NR3C2: variants seen among roughly 807,000 people sequenced by gnomAD.
NR3C2 encodes the protein mineralocorticoid receptor.
Under a neutral mutation model 86.4 loss-of-function variants are expected in NR3C2, and 15 were observed. The observed-to-expected ratio is 0.17, with a 90% confidence interval of 0.12 to 0.27. The LOEUF is 0.27. Ranked by LOEUF, NR3C2 falls within the 10% of genes least tolerant of loss-of-function variation. The pLI, the probability that NR3C2 is intolerant of heterozygous loss-of-function variation, is 1.00. For missense variants in NR3C2, 960 were observed against 1,195.6 expected, an observed-to-expected ratio of 0.80 and a Z score of 2.91; for synonymous variants, 458 against 450.5, an observed-to-expected ratio of 1.02 and a Z score of -0.21.
intron 6 of NR3C2, among the ~76,000 whole-genome samples, chr4:148,141,241 T>C (rs574071274): frequency 1.3e-5 from 2 of 152,288 alleles, no homozygotes; most frequent in South Asian, 4.1e-4. Context: ...GAGACCAGCC[T>C]GGCCAACATG....
chr4:148,290,635 A>C (rs1456136873), intron 2 of NR3C2, among the ~76,000 whole-genome samples: 1 of 152,188 alleles, frequency 6.6e-6, no homozygotes, highest in Non-Finnish European at 1.5e-5. Flanking sequence ...ATTTTATTCC[A>C]TATCTTCCTG....
At position 148,370,522 on chromosome 4, in the gene NR3C2, G is replaced by A. The variant is rs182218644; in HGVS notation, c.1757+64582C>T. On this transcript the variant is annotated intron_variant, in intron 2 of 8. Coordinates refer to ENST00000358102, the MANE Select transcript of NR3C2 (RefSeq NM_000901.5). ...ACTTTTTTTCAAATACTGTATGTGCGTGTATTAGTATGTCTACATATGAAA... is the reference window on the plus strand; with the variant it reads ...ACTTTTTTTCAAATACTGTATGTGCATGTATTAGTATGTCTACATATGAAA... 8.5e-5 allele frequency among the ~76,000 whole-genome samples: 13 copies of A among 152,118 alleles called. No homozygotes were observed. In the East Asian group the frequency reaches 1.7e-3, roughly 20 times the overall value.
chr4:148,289,921 A>G (rs999427624), intron 2 of NR3C2, among the ~76,000 whole-genome samples: 2 of 152,120 alleles, frequency 1.3e-5, no homozygotes, highest in African/African-American at 4.8e-5. Flanking sequence ...AAAGACATCA[A>G]TCCTGCCTCC....
intron 3 of NR3C2, among the ~76,000 whole-genome samples, chr4:148,231,513 T>G (rs939447291): frequency 3.3e-5 from 5 of 152,222 alleles, no homozygotes; most frequent in African/African-American, 1.2e-4. Context: ...TCTACACACC[T>G]TAATTAAAAA....
chr4:148,265,635 T>C (rs920588387), intron 2 of NR3C2, among the ~76,000 whole-genome samples: 19 of 152,244 alleles, frequency 1.2e-4, no homozygotes, highest in Admixed American at 2.6e-4. Flanking sequence ...TTTTATACTA[T>C]TACTTAATCA....
chr4:148,174,595 G>A (rs1054080666), intron 4 of NR3C2, among the ~76,000 whole-genome samples: 1 of 152,190 alleles, frequency 6.6e-6, no homozygotes, highest in African/African-American at 2.4e-5. Flanking sequence ...AGGGGGCAAG[G>A]CATAACCCCA....
chr4:148,218,396 T>C (rs543514324), intron 3 of NR3C2, among the ~76,000 whole-genome samples: 4 of 152,352 alleles, frequency 2.6e-5, no homozygotes, highest in Admixed American at 1.3e-4. Flanking sequence ...ACTGTCTCTA[T>C]AGCCAAAAGG....
chr4:148,193,909 T>C (rs564293900), intron 4 of NR3C2, among the ~76,000 whole-genome samples: 8 of 152,366 alleles, frequency 5.3e-5, no homozygotes, highest in African/African-American at 1.9e-4. Context: ...GTATTTTCTA[T>C]TGAATAATCT....
intron 6 of NR3C2, among the ~76,000 whole-genome samples, chr4:148,122,562 C>T (rs1290205392): frequency 3.9e-5 from 6 of 152,168 alleles, no homozygotes; most frequent in Admixed American, 3.9e-4. Flanking sequence ...TTTTAACTTA[C>T]TTTCCTTCCT....
chr4:148,278,533 G>C (rs1047049599), intron 2 of NR3C2, among the ~76,000 whole-genome samples: 14 of 152,056 alleles, frequency 9.2e-5, no homozygotes, highest in African/African-American at 3.1e-4. Context: ...GACTAAATAG[G>C]AATGCATGAC....
chr4:148,390,986 A>T (rs1747518786), intron 2 of NR3C2, among the ~76,000 whole-genome samples: 1 of 152,242 alleles, frequency 6.6e-6, no homozygotes, highest in Non-Finnish European at 1.5e-5. Context: ...AATGGAAAGT[A>T]TAGGGAAATA....
upstream of NR3C2, chr4:148,442,727 G>T (rs1750416443): frequency 1.0e-6 from 1 of 985,396 alleles, no homozygotes; most frequent in Non-Finnish European, 1.2e-6. Flanking sequence ...CTTCCTTAAA[G>T]CCGCAGCCGC....
chr4:148,435,752 T>C lies in NR3C2; in HGVS notation c.1109A>G (p.Gln370Arg), dbSNP rs749301577. The change falls in exon 2 of 9, where the codon CAA becomes CGA. Residue 370 changes from glutamine (Q) to arginine (R), a missense_variant. Gln to Arg is a conservative substitution (Grantham distance 43, BLOSUM62 1). Around this residue, in one of 4 missense-constraint regions of NR3C2, gnomAD observed 680 missense variants for 719.0 expected, o/e 0.95. Coordinates refer to ENST00000358102, the MANE Select transcript of NR3C2 (RefSeq NM_000901.5). ...CTCAGTCTTAGGAAAAGGGACCTCT[T>C]GAGCACCTTTCTCCTGCGTGTCTGG... ...PSPDTQEKGAQEVPFPKTEEV... is the reference protein window; with the variant it reads ...PSPDTQEKGAREVPFPKTEEV... The C allele has an allele frequency of 1.9e-5, 31 of 1,614,036 alleles. 1 individual carries two copies. The highest frequency in any genetic ancestry group is 4.2e-6 in the Non-Finnish European group (5 of 1,180,042).
intron 4 of NR3C2, among the ~76,000 whole-genome samples, chr4:148,189,748 C>T (rs1236980100): frequency 1.3e-5 from 2 of 152,124 alleles, no homozygotes; most frequent in Admixed American, 1.3e-4. Flanking sequence ...GTATCTAATT[C>T]TTCCAGATTT....
intron 6 of NR3C2, among the ~76,000 whole-genome samples, chr4:148,128,482 T>G (rs1732858065): frequency 6.6e-6 from 1 of 152,238 alleles, no homozygotes; most frequent in African/African-American, 2.4e-5. Flanking sequence ...TATGAATGCC[T>G]GTAGAACTTG....
chr4:148,443,294 A>G (rs1459146251), upstream of NR3C2, among the ~76,000 whole-genome samples: 1 of 147,438 alleles, frequency 6.8e-6, no homozygotes, highest in Non-Finnish European at 1.5e-5. Flanking sequence ...TGGCAGGGTC[A>G]AGAGCTGCTC....
Position 148,114,201 on chromosome 4 carries a change from T to C in NR3C2, c.2702A>G (p.Lys901Arg). Reference protein sequence around the residue: ...AFEEMRTNYIKELRKMVTKCP... With the variant: ...AFEEMRTNYIRELRKMVTKCP... ...CTTAGTTACCATCTTCCTCAGTTCT[T>C]TGATGTAATTTGTCCTCATTTCTTC... Residue 901 changes from lysine (K) to arginine (R), a missense_variant, in exon 8 of 9, where the codon AAA becomes AGA. By Grantham distance (26) the Lys-to-Arg change is conservative. This residue lies in a region of NR3C2 where 151 missense variants were observed against 296.3 expected (regional missense o/e 0.51). Transcript: ENST00000358102. The C allele has an allele frequency of 6.2e-7, 1 of 1,614,040 alleles. No homozygotes were observed. Among genetic ancestry groups the C allele is most frequent in the Non-Finnish European group, 8.5e-7 (1 of 1,179,962 alleles).
At chr4:148,156,383 C>G (rs1393430712) in intron 4 of NR3C2, among the ~76,000 whole-genome samples, 2 of 151,572 alleles carry the variant, frequency 1.3e-5, no homozygotes, top group African/African-American at 4.8e-5. Context: ...GGCTAATATC[C>G]AGAATCTACA....
At chr4:148,245,122 C>T (rs186696841) in intron 3 of NR3C2, among the ~76,000 whole-genome samples, 55 of 152,270 alleles carry the variant, frequency 3.6e-4, no homozygotes, top group Admixed American at 3.1e-3. Context: ...ATTTTATATA[C>T]TATTTCATCA....
Sources: allele counts gnomAD v4.1 joint callset (sites outside exome capture counted in the v4.1 genomes callset), GRCh38; gene constraint gnomAD v4.1.1; regional missense constraint gnomAD v4.1.1; transcripts MANE v1.5; gene names NCBI Gene and HGNC (gene_info 2026-07-23, HGNC 2026-07-21).